The following CCDC88A variants were observed in gnomAD, a reference collection of about 807,000 sequenced individuals.
CCDC88A encodes the protein coiled-coil and HOOK domain protein 88A, also known as girdin.
Under a neutral mutation model 234.3 loss-of-function variants are expected in CCDC88A, and 54 were observed. The observed-to-expected ratio is 0.23, with a 90% CI of 0.19 to 0.29. CCDC88A has a LOEUF of 0.29. Ranked by LOEUF, CCDC88A falls within the 10% of genes least tolerant of loss-of-function variation. The pLI is 1.00. For missense variants in CCDC88A, 1,832 were observed against 2,123.4 expected, an observed-to-expected ratio of 0.86 and a Z score of 2.70; for synonymous variants, 753 against 737.8, an observed-to-expected ratio of 1.02 and a Z score of -0.33.
intron 2 of CCDC88A, among the ~76,000 whole-genome samples, chr2:55,390,618 T>C (rs1676488178): frequency 6.6e-6 from 1 of 152,230 alleles, no homozygotes; most frequent in South Asian, 2.1e-4. Context: ...AAAACTATTT[T>C]CAGACTTTGG....
At chr2:55,384,362 G>T (rs969575487) in intron 3 of CCDC88A, among the ~76,000 whole-genome samples, 2 of 149,748 alleles carry the variant, frequency 1.3e-5, no homozygotes, top group East Asian at 3.9e-4. Flanking sequence ...ATATATTCAG[G>T]TGATAACAGT....
rs564808351 is a variant in CCDC88A at position 55,364,896 on chromosome 2, A to G, written c.403-863T>C. On this transcript the variant is annotated intron_variant, in intron 5 of 32. Coordinates refer to ENST00000436346, the MANE Select transcript of CCDC88A (RefSeq NM_001365480.1). ...AATGCAAAGTGCCTACAAAATAGACAGCACTGCCTTGTCTAACTTAGATGC... is the reference window on the plus strand; with the variant it reads ...AATGCAAAGTGCCTACAAAATAGACGGCACTGCCTTGTCTAACTTAGATGC... 3.5e-4 allele frequency among the ~76,000 whole-genome samples: 54 copies of G among 152,288 alleles called. 1 individual carries two copies. The highest frequency in any genetic ancestry group is 3.3e-3 in the South Asian group (16 of 4,832).
chr2:55,337,866 G>GATA (rs903014258), intron 13 of CCDC88A, among the ~76,000 whole-genome samples: 10 of 151,410 alleles, frequency 6.6e-5, no homozygotes, highest in African/African-American at 2.2e-4. Context: ...TAATAATGAT[G>GATA]ATAATAATAA....
intron 18 of CCDC88A, chr2:55,320,927 T>G (rs958068120): frequency 1.3e-5 from 2 of 151,936 alleles, no homozygotes; most frequent in African/African-American, 4.8e-5. Context: ...CTGGGCAACA[T>G]AGTGAGACCC....
intron 2 of CCDC88A, among the ~76,000 whole-genome samples, chr2:55,393,448 G>A (rs375680168): frequency 4.6e-5 from 7 of 151,422 alleles, no homozygotes; most frequent in Admixed American, 2.6e-4. Flanking sequence ...GTGCCACCAC[G>A]CCCGGCTAAT....
At chr2:55,399,772 T>G (rs755590183) in intron 2 of CCDC88A, 1 of 152,326 alleles carries the variant, frequency 6.6e-6, no homozygotes, top group African/African-American at 2.4e-5. Flanking sequence ...TATCTCTGCA[T>G]AGAATTCGAT....
rs370779418 is a variant in CCDC88A, at chr2:55,334,113, G to A, written c.2708C>T (p.Thr903Met). ...LVKRATIDIK[T>M]LVTLREDLVS... ...ATTTACCTCACGTAGTGTAACCAAC[G>A]TTTTTATATCAATAGTTGCTCTTTT... is the stretch of plus-strand genomic sequence containing the variant. Residue 903 changes from threonine (T) to methionine (M), a missense_variant, in exon 15 of 33, where the codon ACG becomes ATG. Transcript: ENST00000436346. This position sits in a 1 kb window ranked among gnomAD's most constrained non-coding sequence, Gnocchi z 6.1. 9.2e-6 allele frequency: 12 copies of A among 1,310,658 alleles called. No homozygotes were observed. The highest frequency in any genetic ancestry group is 1.5e-5 in the African/African-American group (1 of 66,232). The allele number at this position is 1,310,658 out of a possible 1,614,324, so 81.2% of individuals were successfully genotyped here.
intron 2 of CCDC88A, among the ~76,000 whole-genome samples, chr2:55,411,209 G>A (rs1009883206): frequency 6.6e-6 from 1 of 152,100 alleles, no homozygotes; most frequent in African/African-American, 2.4e-5. Context: ...CTGTTTCATG[G>A]ATCCTAAAAG....
chr2:55,355,520 T>C, intron 8 of CCDC88A, 59 bp downstream of exon 8: 1 of 1,390,110 alleles, frequency 7.2e-7, no homozygotes, highest in African/African-American at 1.4e-5. Context: ...TTAAAAATAT[T>C]GTTTAGGTCA....
At chr2:55,315,126 A>C (rs1682826319) in intron 22 of CCDC88A, 1 of 152,188 alleles carries the variant, frequency 6.6e-6, no homozygotes, top group Non-Finnish European at 1.5e-5. Flanking sequence ...CTGGTCTGTT[A>C]CTTGCCCCAA....
chr2:55,403,289 A>G (rs917307175), intron 2 of CCDC88A: 3 of 152,250 alleles, frequency 2.0e-5, no homozygotes, highest in African/African-American at 7.2e-5. Context: ...CTCAAAAACC[A>G]TGAGTACTTT....
At chr2:55,392,284 G>A (rs527244363) in intron 2 of CCDC88A, among the ~76,000 whole-genome samples, 1 of 152,100 alleles carries the variant, frequency 6.6e-6, no homozygotes, top group African/African-American at 2.4e-5. Context: ...TGACTAAATT[G>A]TTTTTTTCAA....
At chr2:55,378,049 C>G (rs11678347) in intron 3 of CCDC88A, among the ~76,000 whole-genome samples, 45,351 of 152,074 alleles carry the variant, frequency 0.3, 7,141 homozygotes, top group East Asian at 0.54. Flanking sequence ...CTTACATTCC[C>G]AAGGCAACTA....
At position 55,309,885 on chromosome 2, in the gene CCDC88A, T is replaced by G. The variant is rs1181487256; in HGVS notation, c.4080-631A>C. ...GAGAAGATATATCCATAAATTAATA[T>G]AATAACATATAATATTGTGTGTGTG... On this transcript the variant is annotated intron_variant, in intron 23 of 32. Transcript: ENST00000436346. The surrounding 1 kb of genome is among the most constrained non-coding windows in gnomAD (Gnocchi z 5.1). Among the ~76,000 whole-genome samples the G allele has an allele frequency of 2.0e-5, 3 of 152,234 alleles. No homozygotes were observed. The highest frequency in any genetic ancestry group is 2.0e-4 in the Admixed American group (3 of 15,296).
Position 55,309,376 on chromosome 2 carries a change from T to C in CCDC88A, c.4080-122A>G, listed in dbSNP as rs1017045311. 6.4e-6 allele frequency: 3 copies of C among 469,544 alleles called. No individual in the cohort carries two copies. The highest frequency in any genetic ancestry group is 4.1e-5 in the African/African-American group (2 of 49,278). 29.1% of individuals were successfully genotyped at this position (469,544 alleles called of 1,614,324 possible). A position where few individuals can be genotyped will look rare whatever the true frequency, so the allele number is the denominator to read the frequency against. On this transcript the variant is annotated intron_variant, in intron 23 of 32. Coordinates refer to ENST00000436346, the MANE Select transcript of CCDC88A (RefSeq NM_001365480.1). This position sits in a 1 kb window ranked among gnomAD's most constrained non-coding sequence, Gnocchi z 5.1. ...ACATAAAAAAATACAGATACCATGG[T>C]TGGCAACTAAGATTTCATCAGGTAG...
intron 25 of CCDC88A, among the ~76,000 whole-genome samples, chr2:55,306,489 G>T (rs1681585060): frequency 6.6e-6 from 1 of 152,040 alleles, no homozygotes; most frequent in South Asian, 2.1e-4. Context: ...ATATATACCT[G>T]TGTGTGTATA....
At chr2:55,292,326 A>G (rs758764558) in intron 31 of CCDC88A, 1 of 152,222 alleles carries the variant, frequency 6.6e-6, no homozygotes, top group Non-Finnish European at 1.5e-5. Flanking sequence ...GAATCTTCGA[A>G]TAGTTTTACA....
Position 55,308,857 on chromosome 2 carries a change from A to T in CCDC88A, c.4339T>A (p.Ser1447Thr). The T allele has an allele frequency of 6.2e-7, 1 of 1,614,140 alleles. No homozygotes were observed. The highest frequency in any genetic ancestry group is 8.5e-7 in the Non-Finnish European group (1 of 1,180,000). ...GTCTGGCCATCTTCTAAAGAGTTTGAACCTACTGAAGAACTATCTTGACTG... is the reference window on the plus strand; with the variant it reads ...GTCTGGCCATCTTCTAAAGAGTTTGTACCTACTGAAGAACTATCTTGACTG... ...QDSQDSSSVG[S>T]NSLEDGQTLG... The change falls in exon 25 of 33, where the codon TCA becomes ACA. Residue 1447 changes from serine to threonine, a missense_variant. By Grantham distance (58) the Ser-to-Thr change is moderately conservative (BLOSUM62 1). Coordinates refer to ENST00000436346, the MANE Select transcript of CCDC88A (RefSeq NM_001365480.1).
intron 8 of CCDC88A, among the ~76,000 whole-genome samples, chr2:55,352,635 G>A (rs1196401950): frequency 1.3e-5 from 2 of 152,038 alleles, no homozygotes. Context: ...TTCAAAACAT[G>A]GGATTTATGG....
Sources: allele counts gnomAD v4.1 joint callset (sites outside exome capture counted in the v4.1 genomes callset), GRCh38; gene constraint gnomAD v4.1.1; non-coding constraint Gnocchi (gnomAD v3.1); transcripts MANE v1.5; gene names NCBI Gene and HGNC (gene_info 2026-07-23, HGNC 2026-07-21).